ASAP1: variants seen among roughly 807,000 people sequenced by gnomAD.
The protein encoded by ASAP1 is arf-GAP with SH3 domain, ANK repeat and PH domain-containing protein 1.
Under a neutral mutation model 145.2 loss-of-function variants are expected in ASAP1, and 43 were observed. The ratio of observed to expected loss-of-function variants is 0.30; its 90% CI spans 0.23 to 0.38. ASAP1 has a LOEUF of 0.38. Among genes scored for constraint, ASAP1 ranks in the 10% least tolerant of loss-of-function variants. The probability of loss-of-function intolerance (pLI) is 1.00; values close to 1 mark genes in which losing one functional copy is unlikely to be tolerated. For synonymous variants in ASAP1, 546 were observed against 515.5 expected, an observed-to-expected ratio of 1.06 and a Z score of -0.80; for missense variants, 1,018 against 1,355.3, an observed-to-expected ratio of 0.75 and a Z score of 3.91.
intron 3 of ASAP1, among the ~76,000 whole-genome samples, chr8:130,310,148 A>AGGG (rs1586804891): frequency 2.0e-5 from 1 of 50,864 alleles, no homozygotes; most frequent in Non-Finnish European, 4.1e-5. Flanking sequence ...TGGGGGGGGG[A>AGGG]GGGGGGTGAG....
At chr8:130,306,774 A>G (rs1823019437) in intron 3 of ASAP1, among the ~76,000 whole-genome samples, 2 of 152,248 alleles carry the variant, frequency 1.3e-5, no homozygotes, top group Admixed American at 1.3e-4. Flanking sequence ...CAATGCTCGG[A>G]CCATGTAACT....
chr8:130,385,839 C>A (rs1469289379), intron 2 of ASAP1, among the ~76,000 whole-genome samples: 2 of 152,204 alleles, frequency 1.3e-5, no homozygotes, highest in East Asian at 3.9e-4. Flanking sequence ...GCACCCAGTA[C>A]TCCTGCCGGT....
At chr8:130,255,383 T>C (rs1163224908) in intron 3 of ASAP1, among the ~76,000 whole-genome samples, 1 of 152,222 alleles carries the variant, frequency 6.6e-6, no homozygotes, top group Non-Finnish European at 1.5e-5. Flanking sequence ...TTTCTCTATG[T>C]ACCTAATAAA....
Position 130,108,757 on chromosome 8 carries a change from G to GTTTT in ASAP1, c.2401+3333_2401+3336dup, listed in dbSNP as rs10568607. On this transcript the variant is annotated intron_variant, in intron 24 of 29. Transcript: ENST00000518721. ...TAATCTTGGCAAGCCTCAAAAACCAGTTTTTTTTTTTTTTTTTTTTTTTTT... is the reference window on the plus strand; with the variant it reads ...TAATCTTGGCAAGCCTCAAAAACCAGTTTTTTTTTTTTTTTTTTTTTTTTTTTTT... 2.4e-3 allele frequency among the ~76,000 whole-genome samples: 125 copies of GTTTT among 51,560 alleles called. 10 individuals carry two copies. The highest frequency in any genetic ancestry group is 2.6e-3 in the African/African-American group (31 of 12,040). The allele number at this position is 51,560 out of a possible 152,430, so 33.8% of individuals were successfully genotyped here. A position where few individuals can be genotyped will look rare whatever the true frequency, so the allele number is the denominator to read the frequency against.
chr8:130,370,432 T>C (rs1827161307), intron 2 of ASAP1, among the ~76,000 whole-genome samples: 1 of 152,210 alleles, frequency 6.6e-6, no homozygotes, highest in Non-Finnish European at 1.5e-5. Flanking sequence ...ACCATGCTGG[T>C]ACCCTGATCT....
chr8:130,159,753 G>C, intron 12 of ASAP1, 111 bp downstream of exon 12: 1 of 815,406 alleles, frequency 1.2e-6, no homozygotes, highest in East Asian at 2.5e-5. Flanking sequence ...GTGTGCTAAA[G>C]GTCTGCAGCT....
intron 3 of ASAP1, among the ~76,000 whole-genome samples, chr8:130,273,874 T>C (rs1031805243): frequency 1.3e-5 from 2 of 152,134 alleles, no homozygotes; most frequent in African/African-American, 4.8e-5. Context: ...TGTTCTCATT[T>C]AAAAAGCTCA....
chr8:130,062,910 C>A (rs1034347728), intron 27 of ASAP1, among the ~76,000 whole-genome samples: 2 of 152,060 alleles, frequency 1.3e-5, no homozygotes, highest in African/African-American at 4.8e-5. Context: ...GGGTCCAAGG[C>A]TACAGTGAAC....
chr8:130,265,344 G>A (rs1457870396), intron 3 of ASAP1, among the ~76,000 whole-genome samples: 1 of 152,114 alleles, frequency 6.6e-6, no homozygotes, highest in East Asian at 1.9e-4. Context: ...GCTGAGATGG[G>A]AGGACTGCTT....
At chr8:130,411,868 A>C (rs1361928099) in intron 1 of ASAP1, among the ~76,000 whole-genome samples, 4 of 152,176 alleles carry the variant, frequency 2.6e-5, no homozygotes, top group Admixed American at 6.5e-5. Context: ...GAGAGAATAC[A>C]ACCAAGGCCT....
intron 2 of ASAP1, among the ~76,000 whole-genome samples, chr8:130,371,610 G>A (rs1317479122): frequency 6.6e-6 from 1 of 152,192 alleles, no homozygotes; most frequent in Non-Finnish European, 1.5e-5. Context: ...AGCTGGAAGA[G>A]GACTCCTGTT....
intron 2 of ASAP1, chr8:130,386,967 A>G (rs1049887273): frequency 1.3e-5 from 2 of 152,236 alleles, no homozygotes; most frequent in South Asian, 4.1e-4. Context: ...ATATTTGCAG[A>G]GAACCCCTTT....
rs905755447 is a variant in ASAP1 at position 130,366,886 on chromosome 8, C to CTTTTT, written c.60-8748_60-8744dup. On this transcript the variant is annotated intron_variant, in intron 2 of 29. Coordinates refer to ENST00000518721, the MANE Select transcript of ASAP1 (RefSeq NM_018482.4). ...TCTAAACAGGTACTATGCTAGATTCCTTTTTTTTTTTTTTTTTTTTTTGAG... is the reference window on the plus strand; with the variant it reads ...TCTAAACAGGTACTATGCTAGATTCCTTTTTTTTTTTTTTTTTTTTTTTTTTTGAG... Among the ~76,000 whole-genome samples the CTTTTT allele has an allele frequency of 1.8e-4, 18 of 99,204 alleles. 1 individual carries two copies. The highest frequency in any genetic ancestry group is 2.8e-4 in the African/African-American group (7 of 24,730). The allele number at this position is 99,204 out of a possible 152,430, so 65.1% of individuals were successfully genotyped here.
chr8:130,313,426 C>G (rs1270078582), intron 3 of ASAP1, among the ~76,000 whole-genome samples: 1 of 152,044 alleles, frequency 6.6e-6, no homozygotes, highest in Non-Finnish European at 1.5e-5. Flanking sequence ...AGAAAGGAAA[C>G]TGCTATTTTG....
At chr8:130,401,182 G>A (rs981431699) in intron 2 of ASAP1, among the ~76,000 whole-genome samples, 3 of 152,092 alleles carry the variant, frequency 2.0e-5, no homozygotes, top group Non-Finnish European at 4.4e-5. Flanking sequence ...GCACCCAACT[G>A]AATGTAGAAA....
chr8:130,344,523 C>T (rs951595404), intron 3 of ASAP1, among the ~76,000 whole-genome samples: 1 of 152,072 alleles, frequency 6.6e-6, no homozygotes, highest in South Asian at 2.1e-4. Context: ...ATTGTTGAAA[C>T]TGAATGATAG....
At chr8:130,123,616 T>G (rs955722944) in intron 18 of ASAP1, among the ~76,000 whole-genome samples, 2 of 149,644 alleles carry the variant, frequency 1.3e-5, no homozygotes, top group African/African-American at 4.9e-5. Context: ...ACAAACACTG[T>G]AAAAAACTAA....
chr8:130,373,072 GCA>G lies in ASAP1; in HGVS notation c.60-14931_60-14930del, dbSNP rs1827295470. Among the ~76,000 whole-genome samples the G allele has an allele frequency of 5.3e-5, 6 of 113,178 alleles. 1 individual carries two copies. The highest frequency in any genetic ancestry group is 2.0e-4 in the African/African-American group (6 of 29,558). The allele number at this position is 113,178 out of a possible 152,430, so 74.2% of individuals were successfully genotyped here. The stretch of plus-strand genomic sequence containing the variant: ...GACCCACACACAGACACAGACATAA[GCA>G]CACACAGACACCCCCCCACACACAC... On this transcript the variant is annotated intron_variant, in intron 2 of 29. Transcript: ENST00000518721.
At chr8:130,424,718 G>C (rs926549986) in intron 1 of ASAP1, among the ~76,000 whole-genome samples, 1 of 152,078 alleles carries the variant, frequency 6.6e-6, no homozygotes, top group African/African-American at 2.4e-5. Context: ...AACAGGCCAG[G>C]CGTGGTGGCT....
Sources: gnomAD v4.1 joint callset for allele counts (sites outside exome capture counted in the v4.1 genomes callset) on GRCh38, gnomAD v4.1.1 for gene constraint, MANE v1.5 for transcripts, NCBI Gene and HGNC (gene_info 2026-07-23, HGNC 2026-07-21) for gene names.